The following MYBBP1A variants were observed in gnomAD, a reference collection of about 807,000 sequenced individuals.
The protein encoded by MYBBP1A is MYB binding protein 1a, also known as myb-binding protein 1A.
MYBBP1A carries 147 observed loss-of-function variants against 136.3 expected under a neutral mutation model. The ratio of observed to expected loss-of-function variants is 1.08; its 90% confidence interval spans 0.94 to 1.24. MYBBP1A has a LOEUF of 1.24. Among genes scored for constraint, MYBBP1A ranks in the 50% most tolerant of loss-of-function variants. MYBBP1A has a pLI of 0.00. For missense variants in MYBBP1A, 2,060 were observed against 1,727.4 expected, an observed-to-expected ratio of 1.19 and a Z score of -3.41; for synonymous variants, 947 against 735.8, an observed-to-expected ratio of 1.29 and a Z score of -4.65.
intron 19 of MYBBP1A, among the ~76,000 whole-genome samples, chr17:4,543,496 C>T (rs971283055): frequency 2.6e-5 from 4 of 152,172 alleles, no homozygotes; most frequent in African/African-American, 7.2e-5. Context: ...TTTTGTAAAG[C>T]GAGACAAGGG....
rs1353203460 is a variant in MYBBP1A, at chr17:4,554,184, C to T, written c.378+11G>A. The stretch of plus-strand genomic sequence containing the variant: ...CCCTGGGGCTGCTGACCTCCCTGGC[C>T]CCACTCTCACCTTCTTCACCTGATG... On this transcript the variant is annotated intron_variant, in intron 3 of 25. Coordinates refer to ENST00000254718, the MANE Select transcript of MYBBP1A (RefSeq NM_014520.4). 9.3e-6 allele frequency: 15 copies of T among 1,613,970 alleles called. No homozygotes were observed. The highest frequency in any genetic ancestry group is 3.3e-5 in the South Asian group (3 of 91,084).
chr17:4,548,693 G>C lies in MYBBP1A; in HGVS notation c.1431-44C>G. 1.2e-6 allele frequency: 2 copies of C among 1,612,172 alleles called. No homozygotes were observed. The highest frequency in any genetic ancestry group is 1.7e-6 in the Non-Finnish European group (2 of 1,179,108). ...TGGCCATAGCCATTCACTGCCATTGGTTTTTACAGGCTCCCCTCCTTGGAT... is the reference window on the plus strand; with the variant it reads ...TGGCCATAGCCATTCACTGCCATTGCTTTTTACAGGCTCCCCTCCTTGGAT... On this transcript the variant is annotated intron_variant, in intron 10 of 25. Transcript: ENST00000254718. The surrounding 1 kb of genome is among the most constrained non-coding windows in gnomAD (Gnocchi z 4.2).
chr17:4,540,280 G>T, intron 25 of MYBBP1A, 68 bp downstream of exon 25: 1 of 1,524,880 alleles, frequency 6.6e-7, no homozygotes, highest in Non-Finnish European at 8.8e-7. Flanking sequence ...CAGCGTGTGT[G>T]TGTGTGCAGC....
chr17:4,555,286 TC>T lies in MYBBP1A; in HGVS notation c.38del (p.Gly13GlufsTer17). The T allele has an allele frequency of 6.2e-7, 1 of 1,610,154 alleles. No homozygotes were observed. ...SRDPAQPMSPGEATQSGARPA... is the reference protein window; with the variant it reads ...SRDPAQPMSPXEATQSGARPA... ...GCCGGGCGCCACTCTGCGTCGCTTC[TC>T]CAGGCGACATCGGCTGGGCGGGATC... On this transcript the variant is annotated frameshift_variant, in exon 1 of 26. Coordinates refer to ENST00000254718, the MANE Select transcript of MYBBP1A (RefSeq NM_014520.4). LOFTEE classifies it high-confidence loss of function.
At position 4,543,054 on chromosome 17, in the gene MYBBP1A, G is replaced by A; in HGVS notation, c.2751C>T (p.Ser917=). ...CGTTGAAGTGGTAGAGGGCGGTGGG[G>A]GAGTCGGGCTGGCGGCCAGCCTGCT... The part of the protein sequence containing the change: ...LVQQAGRQPD[S]PTALYHFNAS... The change falls in exon 20 of 26, where the codon TCC becomes TCT. Residue 917 remains serine (S), a synonymous_variant. Coordinates refer to ENST00000254718, the MANE Select transcript of MYBBP1A (RefSeq NM_014520.4). The A allele has an allele frequency of 1.2e-6, 2 of 1,613,546 alleles. No individual in the cohort carries two copies. Among genetic ancestry groups the A allele is most frequent in the Non-Finnish European group, 1.7e-6 (2 of 1,179,970 alleles).
At chr17:4,540,665 G>A (rs747930751) in intron 24 of MYBBP1A, among the ~76,000 whole-genome samples, 181 bp from the exon 25 acceptor site, 7 of 147,886 alleles carry the variant, frequency 4.7e-5, no homozygotes, top group Non-Finnish European at 9.0e-5. Flanking sequence ...GGAAACACGC[G>A]CCCCAGGTGT....
rs188755359 is a variant in MYBBP1A at position 4,554,576 on chromosome 17, C to T, written c.294+285G>A. ...GTGGTCTACTCCAATCAGCTGAATGCCTCTGCAGGCCTAAGGGAGCCCACC... is the reference window on the plus strand; with the variant it reads ...GTGGTCTACTCCAATCAGCTGAATGTCTCTGCAGGCCTAAGGGAGCCCACC... On this transcript the variant is annotated intron_variant, in intron 2 of 25. Coordinates refer to ENST00000254718, the MANE Select transcript of MYBBP1A (RefSeq NM_014520.4). Among the ~76,000 whole-genome samples, 171 of 152,320 alleles carry T rather than the reference C, an allele frequency of 1.1e-3. 1 individual carries two copies. The highest frequency in any genetic ancestry group is 3.6e-3 in the African/African-American group (148 of 41,570).
In MYBBP1A at chr17:4,539,040, CT is replaced by C. The variant is rs1197374956; in HGVS notation, c.*374del. 1.2e-4 allele frequency: 118 copies of C among 953,412 alleles called. No individual in the cohort carries two copies. Among genetic ancestry groups the C allele is most frequent in the Middle Eastern group, 4.2e-4 (2 of 4,784 alleles). 59.1% of individuals were successfully genotyped at this position (953,412 alleles called of 1,614,324 possible). ...GAAATAAACCTATTTAAATCACCCC[CT>C]GGTGGCTCCCTCACAGCAAAAAAGC... On this transcript the variant is annotated 3_prime_UTR_variant, in exon 26 of 26. Coordinates refer to ENST00000254718, the MANE Select transcript of MYBBP1A (RefSeq NM_014520.4).
Position 4,555,328 on chromosome 17 carries a change from C to T in MYBBP1A, c.-4G>A. On this transcript the variant is annotated 5_prime_UTR_variant, in exon 1 of 26. Coordinates refer to ENST00000254718, the MANE Select transcript of MYBBP1A (RefSeq NM_014520.4). ...GGGCGGGATCCCGGCTCTCCATCTC[C>T]GCCACACTCACCGAAACACGAAACA... The T allele has an allele frequency of 1.9e-6, 3 of 1,591,770 alleles. No homozygotes were observed. Among genetic ancestry groups the T allele is most frequent in the Middle Eastern group, 1.7e-4 (1 of 6,022 alleles).
At position 4,542,046 on chromosome 17, in the gene MYBBP1A, C is replaced by T. The variant is rs1352112752; in HGVS notation, c.3088-155G>A. On this transcript the variant is annotated intron_variant, in intron 22 of 25. Transcript: ENST00000254718. Reference sequence around the variant, plus strand: ...GCTCTGTGACTACCTGCTCCTGTGCCTTTGTGTGCAGGTGGGGACACCAAG... The same window carrying T: ...GCTCTGTGACTACCTGCTCCTGTGCTTTTGTGTGCAGGTGGGGACACCAAG... 5.0e-5 allele frequency: 31 copies of T among 625,958 alleles called. No individual in the cohort carries two copies. The Admixed American group carries it at 8.8e-4, about 18-fold the overall frequency. The allele number at this position is 625,958 out of a possible 1,614,324, so 38.8% of individuals were successfully genotyped here.
chr17:4,542,453 A>C lies in MYBBP1A; in HGVS notation c.3087+11T>G, dbSNP rs753927733. The C allele has an allele frequency of 1.2e-5, 20 of 1,601,256 alleles. No homozygotes were observed. The highest frequency in any genetic ancestry group is 1.7e-5 in the Non-Finnish European group (20 of 1,172,426). On this transcript the variant is annotated intron_variant, in intron 22 of 25. Transcript: ENST00000254718. ...GACAGGCCCTGGGCTGGGAGCTGGG[A>C]AGTCTCTCACCTGATGACGGGGCCG...
chr17:4,550,072 A>G lies in MYBBP1A; in HGVS notation c.1305T>C (p.Asp435=). 4 of 1,613,000 alleles carry G rather than the reference A, an allele frequency of 2.5e-6. No individual in the cohort carries two copies. Among genetic ancestry groups the G allele is most frequent in the Non-Finnish European group, 3.4e-6 (4 of 1,179,290 alleles). ...FSTNNQKKAQ[D]SSLHMPERAV... is the part of the protein sequence containing the mutation. The stretch of plus-strand genomic sequence containing the variant: ...GGTCCACTCACATGTGGAGCGATGA[A>G]TCCTGGGCTTTCTTCTGGTTGTTGG... The change falls in exon 9 of 26, where the codon GAT becomes GAC. Residue 435 remains aspartate (D), a synonymous_variant. Coordinates refer to ENST00000254718, the MANE Select transcript of MYBBP1A (RefSeq NM_014520.4).
At chr17:4,549,953 T>C in intron 9 of MYBBP1A, 105 bp downstream of exon 9, 1 of 1,282,318 alleles carries the variant, frequency 7.8e-7, no homozygotes, top group Middle Eastern at 2.1e-4. Flanking sequence ...GCTCCTCTCA[T>C]GGTTTAGAGC....
rs1436019666 is a variant in MYBBP1A, at chr17:4,544,819, G to T, written c.2413C>A (p.Gln805Lys). ...TTGTTCTTCTCGTCTCGCCGGGCCT[G>T]GATACGCAGCTTCTGCTCGGCAAAG... ...SLFAEQKLRI[Q>K]ARRDEKNKLQ... Residue 805 changes from glutamine (Q) to lysine (K), a missense_variant, in exon 18 of 26, where the codon CAG becomes AAG. Transcript: ENST00000254718. 6.2e-7 allele frequency: 1 copy of T among 1,605,300 alleles called. No homozygotes were observed. The highest frequency in any genetic ancestry group is 8.5e-7 in the Non-Finnish European group (1 of 1,176,524).
At chr17:4,542,397 CA>C in intron 22 of MYBBP1A, 66 bp downstream of exon 22, 1 of 1,505,502 alleles carries the variant, frequency 6.6e-7, no homozygotes, top group Non-Finnish European at 9.0e-7. Flanking sequence ...TCACAATATC[CA>C]GTCAGAAGAG....
chr17:4,543,477 C>T (rs527917334), intron 19 of MYBBP1A, among the ~76,000 whole-genome samples: 1 of 152,266 alleles, frequency 6.6e-6, no homozygotes, highest in African/African-American at 2.4e-5. Context: ...GGGCAGTGGC[C>T]TTCAGGCCTT....
chr17:4,550,336 CTT>C lies in MYBBP1A; in HGVS notation c.1039_1040del (p.Lys347ValfsTer19). The C allele has an allele frequency of 2.5e-6, 4 of 1,612,380 alleles. No individual in the cohort carries two copies. Among genetic ancestry groups the C allele is most frequent in the Non-Finnish European group, 3.4e-6 (4 of 1,179,592 alleles). Reference sequence around the variant, plus strand: ...CGTAATCGTCCATCTCTGGGGCAAACTTGAACTGCTTTGGGAGCTGCAAGAGT... The same window carrying C: ...CGTAATCGTCCATCTCTGGGGCAAACGAACTGCTTTGGGAGCTGCAAGAGT... ...VCTAKLPKQF[K>X]FAPEMDDYVG... On this transcript the variant is annotated frameshift_variant, in exon 9 of 26. Transcript: ENST00000254718. LOFTEE classifies it high-confidence loss of function.
Position 4,539,218 on chromosome 17 carries a change from A to G in MYBBP1A, c.*197T>C. The G allele has an allele frequency of 2.1e-6, 3 of 1,458,690 alleles. No homozygotes were observed. In the South Asian group the frequency reaches 4.4e-5, roughly 21 times the overall value. 90.4% of individuals were successfully genotyped at this position (1,458,690 alleles called of 1,614,324 possible). On this transcript the variant is annotated 3_prime_UTR_variant, in exon 26 of 26. Coordinates refer to ENST00000254718, the MANE Select transcript of MYBBP1A (RefSeq NM_014520.4). ...GAACCGGGGGTGGGGAGGTCTCTGC[A>G]CCCTGGGACCCCTGCAGGAATGGCT...
rs746118218 is a variant in MYBBP1A at position 4,555,332 on chromosome 17, A to G, written c.-8T>C. ...GGGATCCCGGCTCTCCATCTCCGCCACACTCACCGAAACACGAAACACGTG... is the reference window on the plus strand; with the variant it reads ...GGGATCCCGGCTCTCCATCTCCGCCGCACTCACCGAAACACGAAACACGTG... On this transcript the variant is annotated 5_prime_UTR_variant, in exon 1 of 26. Transcript: ENST00000254718. The G allele has an allele frequency of 5.0e-6, 8 of 1,589,526 alleles. No homozygotes were observed. In the African/African-American group the frequency reaches 9.4e-5, roughly 19 times the overall value.
Sources: gnomAD v4.1 joint callset for allele counts (sites outside exome capture counted in the v4.1 genomes callset) on GRCh38, gnomAD v4.1.1 for gene constraint, Gnocchi (gnomAD v3.1) non-coding constraint, MANE v1.5 for transcripts, NCBI Gene and HGNC (gene_info 2026-07-23, HGNC 2026-07-21) for gene names.